The following SHROOM2 variants were observed in gnomAD, a reference collection of about 807,000 sequenced individuals.
SHROOM2 encodes protein Shroom2.
SHROOM2 carries 33 observed loss-of-function variants against 75.9 expected under a neutral mutation model. The ratio of observed to expected loss-of-function variants is 0.43; its 90% confidence interval spans 0.33 to 0.58. The LOEUF (loss-of-function observed/expected upper bound fraction) is 0.58. Among genes scored for constraint, SHROOM2 ranks in the 20% least tolerant of loss-of-function variants. The probability of loss-of-function intolerance (pLI) is 0.04; values close to 1 mark genes in which losing one functional copy is unlikely to be tolerated. For missense variants in SHROOM2, 1,434 were observed against 1,461.2 expected (o/e 0.98, Z 0.30); for synonymous variants, 655 against 663.6 (o/e 0.99, Z 0.20).
chrX:9,853,581 G>T (rs747954770), intron 1 of SHROOM2, among the ~76,000 whole-genome samples: 1 of 111,180 alleles, frequency 9.0e-6, no homozygotes, highest in Non-Finnish European at 1.9e-5. Context: ...CTCTGCTTCC[G>T]TCTCCACATA....
At position 9,894,407 on chromosome X, in the gene SHROOM2, C is replaced by T. The variant is rs192496291; in HGVS notation, c.499C>T (p.Arg167Cys). The T allele has an allele frequency of 1.2e-5, 15 of 1,209,110 alleles. No individual in the cohort carries two copies. The highest frequency in any genetic ancestry group is 5.3e-5 in the South Asian group (3 of 56,673). The change falls in exon 4 of 10, where the codon CGC (arginine) becomes TGC (cysteine). Residue 167 changes from arginine to cysteine, a missense_variant. By Grantham distance (180) the Arg-to-Cys change is radical. This residue lies in a region of SHROOM2 where 1,340 missense variants were observed against 1,338.3 expected (regional missense o/e 1.00). Coordinates refer to ENST00000380913, the MANE Select transcript of SHROOM2 (RefSeq NM_001649.4). ...SSSWEQTNLQ[R>C]TLDHFSSLGS... ...TTCCTGGGAGCAGACGAACCTACAG[C>T]GCACCTTAGATCACTTCAGCTCCTT...
intron 1 of SHROOM2, among the ~76,000 whole-genome samples, chrX:9,858,124 C>T (rs994357538): frequency 7.1e-5 from 8 of 112,013 alleles, no homozygotes; most frequent in African/African-American, 2.6e-4. Context: ...GCCCTTGTGA[C>T]GGGTGAGATC....
chrX:9,803,544 C>T (rs1453892581), intron 1 of SHROOM2, among the ~76,000 whole-genome samples: 1 of 110,962 alleles, frequency 9.0e-6, no homozygotes, highest in Admixed American at 9.6e-5. Context: ...GTGCCCGGCG[C>T]TTTTCCCACC....
At chrX:9,864,905 T>C (rs1478319987) in intron 1 of SHROOM2, among the ~76,000 whole-genome samples, 5 of 111,853 alleles carry the variant, frequency 4.5e-5, no homozygotes, top group African/African-American at 1.6e-4. Flanking sequence ...CCCACCTTCT[T>C]GGGAGGCTGA....
At chrX:9,871,321 C>T (rs1315820248) in intron 1 of SHROOM2, among the ~76,000 whole-genome samples, 2 of 112,004 alleles carry the variant, frequency 1.8e-5, no homozygotes, top group Non-Finnish European at 3.8e-5. Context: ...AAACAGATAG[C>T]GCCCTTCATC....
chrX:9,823,445 G>T (rs1478787483), intron 1 of SHROOM2, among the ~76,000 whole-genome samples: 1 of 111,048 alleles, frequency 9.0e-6, no homozygotes, highest in Non-Finnish European at 1.9e-5. Context: ...GTCTTGCTAT[G>T]TTGCCCAGGC....
chrX:9,942,227 A>G (rs898208505), intron 8 of SHROOM2, among the ~76,000 whole-genome samples: 4 of 112,049 alleles, frequency 3.6e-5, no homozygotes, highest in Non-Finnish European at 7.5e-5. Context: ...GAAAAGGCAC[A>G]AACCACTTTT....
chrX:9,888,906 C>T (rs181122642), intron 2 of SHROOM2, among the ~76,000 whole-genome samples: 204 of 112,416 alleles, frequency 1.8e-3, no homozygotes, highest in African/African-American at 6.4e-3. Flanking sequence ...GCTGAACTAG[C>T]GTCGTCTTGA....
chrX:9,857,691 C>T (rs756587842), intron 1 of SHROOM2, among the ~76,000 whole-genome samples: 36 of 111,647 alleles, frequency 3.2e-4, no homozygotes, highest in Non-Finnish European at 5.1e-4. Context: ...GTCCACCGTG[C>T]TTTCACTTAG....
intron 1 of SHROOM2, among the ~76,000 whole-genome samples, chrX:9,797,290 C>A (rs1260138285): frequency 8.9e-6 from 1 of 112,531 alleles, no homozygotes; most frequent in East Asian, 2.8e-4. Context: ...GGGCAGAGTT[C>A]ATCAGCGTGG....
At chrX:9,865,988 G>A (rs138296574) in intron 1 of SHROOM2, among the ~76,000 whole-genome samples, 2,807 of 110,087 alleles carry the variant, frequency 0.025, 95 homozygotes, top group African/African-American at 0.076. Flanking sequence ...GCATCTTGGC[G>A]GTGCCTGGTG....
chrX:9,874,973 C>T (rs60659909), intron 2 of SHROOM2, among the ~76,000 whole-genome samples: 1 of 100,096 alleles, frequency 1.0e-5, no homozygotes, highest in Non-Finnish European at 2.0e-5. Context: ...CCCAGTTACT[C>T]GAGAGGTTGA....
At chrX:9,872,516 A>T (rs2084176577) in intron 1 of SHROOM2, among the ~76,000 whole-genome samples, 1 of 111,570 alleles carries the variant, frequency 9.0e-6, no homozygotes, top group South Asian at 3.8e-4. Flanking sequence ...GTGAGCCGAG[A>T]TCGCACCACT....
intron 1 of SHROOM2, among the ~76,000 whole-genome samples, chrX:9,794,863 T>G (rs186245172): frequency 9.0e-6 from 1 of 111,685 alleles, no homozygotes; most frequent in East Asian, 2.8e-4. Flanking sequence ...AAATATCTCT[T>G]AATATATTCA....
At position 9,894,458 on chromosome X, in the gene SHROOM2, C is replaced by T. The variant is rs779373311; in HGVS notation, c.550C>T (p.Pro184Ser). Residue 184 changes from proline to serine, a missense_variant, in exon 4 of 10, where the codon CCC becomes TCC. This residue lies in a region of SHROOM2 where 1,340 missense variants were observed against 1,338.3 expected (regional missense o/e 1.00). Transcript: ENST00000380913. ...GGGGAGCGTTGACAGCCTGGACCAC[C>T]CCTCCAGTCGCCTCTCGGTGGCCAA... Reference protein sequence around the residue: ...SLGSVDSLDHPSSRLSVAKSN... With the variant: ...SLGSVDSLDHSSSRLSVAKSN... 8.3e-7 allele frequency: 1 copy of T among 1,211,590 alleles called. No individual in the cohort carries two copies. Among genetic ancestry groups the T allele is most frequent in the Non-Finnish European group, 1.1e-6 (1 of 895,435 alleles).
chrX:9,786,520 G>T lies in SHROOM2; in HGVS notation c.-26G>T, dbSNP rs1427872777. 2.4e-6 allele frequency: 2 copies of T among 844,472 alleles called. No homozygotes were observed. Among genetic ancestry groups the T allele is most frequent in the Admixed American group, 6.9e-5 (1 of 14,590 alleles). The allele number at this position is 844,472 out of a possible 1,213,427, so 69.6% of individuals were successfully genotyped here. Reference sequence around the variant, plus strand: ...GGACTGCCCGGAGTGCATGGGCGCGGGCCAGGGACGCTGAGCGGTCGCGCC... The same window carrying T: ...GGACTGCCCGGAGTGCATGGGCGCGTGCCAGGGACGCTGAGCGGTCGCGCC... On this transcript the variant is annotated 5_prime_UTR_variant, in exon 1 of 10. Transcript: ENST00000380913.
intron 5 of SHROOM2, among the ~76,000 whole-genome samples, chrX:9,923,847 C>T (rs913309375): frequency 1.8e-5 from 2 of 112,227 alleles, no homozygotes; most frequent in African/African-American, 6.5e-5. Context: ...ATCATCTGTG[C>T]TTTGGATTTC....
intron 5 of SHROOM2, among the ~76,000 whole-genome samples, chrX:9,922,303 C>T (rs747790137): frequency 1.3e-3 from 146 of 111,872 alleles, no homozygotes; most frequent in Middle Eastern, 4.6e-3. Flanking sequence ...AAGTGACCCT[C>T]CTGCCTAGGC....
At chrX:9,791,298 A>T (rs752259971) in intron 1 of SHROOM2, among the ~76,000 whole-genome samples, 1 of 111,387 alleles carries the variant, frequency 9.0e-6, no homozygotes, top group South Asian at 3.8e-4. Context: ...CTGGCTTGCC[A>T]CTTGGGAAGG....
Sources: allele counts gnomAD v4.1 joint callset (sites outside exome capture counted in the v4.1 genomes callset), GRCh38; gene constraint gnomAD v4.1.1; regional missense constraint gnomAD v4.1.1; transcripts MANE v1.5; gene names NCBI Gene and HGNC (gene_info 2026-07-23, HGNC 2026-07-21).